Variants in HECW1 observed in about 807,000 individuals in gnomAD.
HECW1 encodes the protein E3 ubiquitin-protein ligase HECW1.
Under a neutral mutation model 182.3 loss-of-function variants are expected in HECW1, and 61 were observed. The observed-to-expected ratio is 0.33, with a 90% CI of 0.27 to 0.41. The LOEUF (loss-of-function observed/expected upper bound fraction) is 0.41. HECW1 is among the 10% of genes least tolerant of loss of function. The probability of loss-of-function intolerance (pLI) is 1.00; values close to 1 mark genes in which losing one functional copy is unlikely to be tolerated. For missense variants in HECW1, 1,739 were observed against 2,108.9 expected, an observed-to-expected ratio of 0.82 and a Z score of 3.44; for synonymous variants, 859 against 832.6, an observed-to-expected ratio of 1.03 and a Z score of -0.55.
intron 8 of HECW1, among the ~76,000 whole-genome samples, chr7:43,410,932 T>C (rs2075780900): frequency 6.6e-6 from 1 of 152,096 alleles, no homozygotes; most frequent in Non-Finnish European, 1.5e-5. Context: ...ATTAAATTTG[T>C]TTATTTTGTG....
At chr7:43,495,764 A>G (rs919998744) in intron 19 of HECW1, among the ~76,000 whole-genome samples, 17 of 152,210 alleles carry the variant, frequency 1.1e-4, no homozygotes, top group African/African-American at 3.1e-4. Context: ...CACCTGGGTC[A>G]TTCATTCATG....
chr7:43,488,482 A>AAG (rs1159938985), intron 17 of HECW1, among the ~76,000 whole-genome samples: 1 of 147,922 alleles, frequency 6.8e-6, no homozygotes, highest in Non-Finnish European at 1.5e-5. Context: ...GAAAGAAAGA[A>AAG]AGAAAGAGAA....
At chr7:43,500,257 A>C (rs941013955) in intron 19 of HECW1, among the ~76,000 whole-genome samples, 17 of 151,898 alleles carry the variant, frequency 1.1e-4, no homozygotes, top group Non-Finnish European at 2.4e-4. Flanking sequence ...GCAACACCAC[A>C]CCTGGCTAAT....
intron 11 of HECW1, 113 bp downstream of exon 11, chr7:43,445,683 G>A: frequency 1.6e-6 from 2 of 1,287,314 alleles, no homozygotes; most frequent in Middle Eastern, 2.2e-4. Flanking sequence ...GGGTTGCTGG[G>A]GCAATGTATG....
intron 2 of HECW1, among the ~76,000 whole-genome samples, chr7:43,138,129 G>C (rs1467173690): frequency 6.6e-6 from 1 of 152,102 alleles, no homozygotes; most frequent in Non-Finnish European, 1.5e-5. Context: ...TTTTTCTCTA[G>C]CTGTAAAAGT....
chr7:43,185,823 T>C (rs1793344385), intron 2 of HECW1, among the ~76,000 whole-genome samples: 1 of 152,228 alleles, frequency 6.6e-6, no homozygotes, highest in Non-Finnish European at 1.5e-5. Context: ...TTTCCTTTAA[T>C]ATAATTTAAT....
Position 43,336,124 on chromosome 7 carries a change from T to TTCTCTCTCTCTCTC in HECW1, c.460+15388_460+15401dup, listed in dbSNP as rs1233029672. 1.1e-3 allele frequency among the ~76,000 whole-genome samples: 73 copies of TTCTCTCTCTCTCTC among 64,286 alleles called. 4 individuals are homozygous for TTCTCTCTCTCTCTC. The highest frequency in any genetic ancestry group is 1.9e-3 in the African/African-American group (26 of 13,788). 42.2% of individuals were successfully genotyped at this position (64,286 alleles called of 152,430 possible). A position where few individuals can be genotyped will look rare whatever the true frequency, so the allele number is the denominator to read the frequency against. On this transcript the variant is annotated intron_variant, in intron 5 of 29. Coordinates refer to ENST00000395891, the MANE Select transcript of HECW1 (RefSeq NM_015052.5). ...CTTTCTTCTTTCTTTCTTTCTTTCT[T>TTCTCTCTCTCTCTC]TCTCTCTCTCTCTCTCTCTTTCTCT...
chr7:43,146,424 T>A (rs541010894), intron 2 of HECW1, among the ~76,000 whole-genome samples: 1 of 152,306 alleles, frequency 6.6e-6, no homozygotes, highest in African/African-American at 2.4e-5. Flanking sequence ...CACTAGATTA[T>A]ATGTATCAAT....
intron 23 of HECW1, 150 bp from the exon 24 acceptor site, chr7:43,508,819 C>G: frequency 1.4e-6 from 1 of 706,066 alleles, no homozygotes; most frequent in South Asian, 1.9e-5. Context: ...CAAATTGATG[C>G]TGCCATTGGC....
chr7:43,492,944 C>T (rs2078985396), intron 18 of HECW1, 140 bp from the exon 19 acceptor site: 1 of 553,102 alleles, frequency 1.8e-6, no homozygotes, highest in East Asian at 2.9e-5. Context: ...CTCTCAAGAG[C>T]TTGCATTTTT....
chr7:43,126,256 C>A (rs1786235247), intron 2 of HECW1, among the ~76,000 whole-genome samples: 1 of 152,014 alleles, frequency 6.6e-6, no homozygotes, highest in Admixed American at 6.6e-5. Context: ...ATCTATATCT[C>A]TTCCCCACCA....
At chr7:43,477,416 A>G (rs2078259817) in intron 16 of HECW1, among the ~76,000 whole-genome samples, 1 of 152,210 alleles carries the variant, frequency 6.6e-6, no homozygotes, top group Non-Finnish European at 1.5e-5. Flanking sequence ...GAATAATGAA[A>G]AGTCTATTTT....
intron 2 of HECW1, among the ~76,000 whole-genome samples, chr7:43,240,914 A>C (rs1554323548): frequency 6.6e-6 from 1 of 152,106 alleles, no homozygotes; most frequent in Non-Finnish European, 1.5e-5. Flanking sequence ...TCCCCACGTG[A>C]CTTCCTGCTG....
At chr7:43,296,693 T>G (rs1433415096) in intron 3 of HECW1, among the ~76,000 whole-genome samples, 1 of 152,178 alleles carries the variant, frequency 6.6e-6, no homozygotes, top group Non-Finnish European at 1.5e-5. Context: ...TGCGAACTAA[T>G]GGAAAAAAGT....
intron 8 of HECW1, among the ~76,000 whole-genome samples, chr7:43,423,458 A>G (rs1220602278): frequency 6.6e-6 from 1 of 152,214 alleles, no homozygotes; most frequent in Admixed American, 6.5e-5. Flanking sequence ...AGGCTCATTC[A>G]CAGAACCTGA....
intron 3 of HECW1, among the ~76,000 whole-genome samples, chr7:43,275,430 A>G (rs1802998693): frequency 2.0e-5 from 3 of 152,184 alleles, no homozygotes; most frequent in Admixed American, 2.0e-4. Flanking sequence ...TCTTGGGGTG[A>G]TGACGCTTGA....
Position 43,507,131 on chromosome 7 carries a change from C to T in HECW1, c.3632-6C>T. 1 of 1,613,170 alleles carries T rather than the reference C, an allele frequency of 6.2e-7. No homozygotes were observed. Among genetic ancestry groups the T allele is most frequent in the Middle Eastern group, 1.7e-4 (1 of 6,054 alleles). Reference sequence around the variant, plus strand: ...AGTGATGACCTCTGTGTGCTTCTCTCTGCAGGTTTACAGAGAGCCAGTGCA... The same window carrying T: ...AGTGATGACCTCTGTGTGCTTCTCTTTGCAGGTTTACAGAGAGCCAGTGCA... On this transcript the variant is annotated splice_polypyrimidine_tract_variant and splice_region_variant and intron_variant, in intron 21 of 29. Transcript: ENST00000395891.
chr7:43,171,509 C>T (rs1164848271), intron 2 of HECW1, among the ~76,000 whole-genome samples: 1 of 151,922 alleles, frequency 6.6e-6, no homozygotes, highest in African/African-American at 2.4e-5. Flanking sequence ...CTCAGGGGCT[C>T]CAAGGAAAGG....
At chr7:43,422,745 AT>A (rs1185250494) in intron 8 of HECW1, among the ~76,000 whole-genome samples, 5 of 152,196 alleles carry the variant, frequency 3.3e-5, no homozygotes, top group Non-Finnish European at 7.4e-5. Context: ...GAGTTACCAC[AT>A]TTAATCATTT....
Sources: allele counts gnomAD v4.1 joint callset (sites outside exome capture counted in the v4.1 genomes callset), GRCh38; gene constraint gnomAD v4.1.1; transcripts MANE v1.5; gene names NCBI Gene and HGNC (gene_info 2026-07-23, HGNC 2026-07-21).